The following ZNF730 variants were observed in gnomAD, a reference collection of about 807,000 sequenced individuals.
ZNF730 encodes the protein putative zinc finger protein 730.
Under a neutral mutation model 12.6 loss-of-function variants are expected in ZNF730, and 12 were observed. The ratio of observed to expected loss-of-function variants is 0.95; its 90% CI spans 0.61 to 1.54. The LOEUF (loss-of-function observed/expected upper bound fraction) is 1.54. ZNF730 is among the 40% of genes most tolerant of loss of function. The pLI is 0.00. For synonymous variants in ZNF730, 194 were observed against 195.8 expected, an observed-to-expected ratio of 0.99 and a Z score of 0.08; for missense variants, 643 against 583.5, an observed-to-expected ratio of 1.10 and a Z score of -1.05.
chr19:23,143,130 G>T (rs533918600), intron 3 of ZNF730, among the ~76,000 whole-genome samples: 1 of 152,120 alleles, frequency 6.6e-6, no homozygotes, highest in Non-Finnish European at 1.5e-5. Flanking sequence ...TGTAGCCCCA[G>T]CTACTCAGGA....
intron 1 of ZNF730, among the ~76,000 whole-genome samples, chr19:23,111,776 A>G (rs923285431): frequency 2.0e-5 from 3 of 152,112 alleles, no homozygotes; most frequent in African/African-American, 7.2e-5. Flanking sequence ...ATACAGTAGT[A>G]TTGAGCAAAA....
At chr19:23,120,345 TG>T (rs1970584445) in intron 1 of ZNF730, among the ~76,000 whole-genome samples, 3 of 152,192 alleles carry the variant, frequency 2.0e-5, no homozygotes, top group Non-Finnish European at 4.4e-5. Flanking sequence ...ATTTCAATTT[TG>T]GAGCTTGTTA....
intron 1 of ZNF730, among the ~76,000 whole-genome samples, chr19:23,077,623 G>A (rs1157735668): frequency 6.6e-6 from 1 of 151,614 alleles, no homozygotes; most frequent in African/African-American, 2.4e-5. Flanking sequence ...TGTATTTTTA[G>A]TAGAGATAGG....
intron 1 of ZNF730, among the ~76,000 whole-genome samples, chr19:23,097,556 G>T (rs934332162): frequency 6.6e-6 from 1 of 152,044 alleles, no homozygotes; most frequent in Admixed American, 6.6e-5. Context: ...AATGTAATTT[G>T]TCTCCTGCCT....
intron 3 of ZNF730, among the ~76,000 whole-genome samples, chr19:23,138,773 C>G (rs1232981778): frequency 2.0e-5 from 3 of 152,174 alleles, no homozygotes; most frequent in Non-Finnish European, 2.9e-5. Flanking sequence ...GTTACATAAC[C>G]CAGACTAGTC....
intron 1 of ZNF730, among the ~76,000 whole-genome samples, chr19:23,126,200 G>C (rs577742367): frequency 7.9e-5 from 12 of 152,124 alleles, no homozygotes; most frequent in Non-Finnish European, 1.8e-4. Context: ...TTTGAACAAT[G>C]CATTCTGAAA....
At position 23,134,099 on chromosome 19, in the gene ZNF730, A is replaced by G; in HGVS notation, c.23A>G (p.Asp8Gly). 5 of 1,613,480 alleles carry G rather than the reference A, an allele frequency of 3.1e-6. No homozygotes were observed. The highest frequency in any genetic ancestry group is 4.2e-6 in the Non-Finnish European group (5 of 1,179,696). MGALTFRDVAIEFSLEEW... is the reference protein window; with the variant it reads MGALTFRGVAIEFSLEEW... ...TTTCAGGGAGCGTTGACATTTAGAG[A>G]TGTGGCCATAGAATTCTCTCTGGAG... The change falls in exon 2 of 4, where the codon GAT becomes GGT. Residue 8 changes from aspartate (D) to glycine (G), a missense_variant. Coordinates refer to ENST00000597761, the MANE Select transcript of ZNF730 (RefSeq NM_001277403.2).
chr19:23,096,863 G>T (rs533234073), intron 1 of ZNF730, among the ~76,000 whole-genome samples: 3 of 152,326 alleles, frequency 2.0e-5, no homozygotes, highest in Admixed American at 1.3e-4. Context: ...AGTGTGTATT[G>T]TGACATATGC....
intron 1 of ZNF730, among the ~76,000 whole-genome samples, chr19:23,101,101 G>A (rs957909651): frequency 6.6e-6 from 1 of 152,150 alleles, no homozygotes; most frequent in African/African-American, 2.4e-5. Context: ...AGGTCACAGA[G>A]GATTACCACT....
In ZNF730 at chr19:23,145,488, C is replaced by G; in HGVS notation, c.444C>G (p.Asp148Glu). The change falls in exon 4 of 4, where the codon GAC becomes GAG. Residue 148 changes from aspartate (D) to glutamate (E), a missense_variant. Coordinates refer to ENST00000597761, the MANE Select transcript of ZNF730 (RefSeq NM_001277403.2). ...CCCATAGCAAAATATTTCAGTGTGA[C>G]AAATATGTGAAAGTCTTTCATAAAT... ...TTSHSKIFQC[D>E]KYVKVFHKFS... 6.4e-7 allele frequency: 1 copy of G among 1,565,784 alleles called. No individual in the cohort carries two copies. The highest frequency in any genetic ancestry group is 1.9e-5 in the Admixed American group (1 of 52,010).
chr19:23,117,116 A>T lies in ZNF730; in HGVS notation c.-58A>T. 1 of 1,612,896 alleles carries T rather than the reference A, an allele frequency of 6.2e-7. No individual in the cohort carries two copies. The highest frequency in any genetic ancestry group is 8.5e-7 in the Non-Finnish European group (1 of 1,179,214). On this transcript the variant is annotated 5_prime_UTR_variant, in exon 1 of 4. Coordinates refer to ENST00000597761, the MANE Select transcript of ZNF730 (RefSeq NM_001277403.2). ...GAAGCCCAGCCTGTGTGGCCCTGCG[A>T]CCTGCGGGTATTGGGAGATCCACAG...
intron 1 of ZNF730, among the ~76,000 whole-genome samples, chr19:23,077,525 A>G (rs1457948308): frequency 7.4e-6 from 1 of 135,658 alleles, no homozygotes; most frequent in Non-Finnish European, 1.5e-5. Context: ...GCAACCTCCA[A>G]CTCCTGGGTT....
chr19:23,081,620 A>ATC (rs1969968161), intron 1 of ZNF730, among the ~76,000 whole-genome samples: 1 of 151,652 alleles, frequency 6.6e-6, no homozygotes, highest in African/African-American at 2.4e-5. Context: ...GCACCTGGCT[A>ATC]ATTTTTGTAT....
rs117561118 is a variant in ZNF730 at position 23,090,171 on chromosome 19, G to A, written c.-94+14784G>A. On this transcript the variant is annotated intron_variant, in intron 1 of 2. Transcript: ENST00000593635. ...CGAGGCAGGAGAATTGTTTGAACCC[G>A]AGAGGCGGAGGTTGCTGTGAGCCAA... Among the ~76,000 whole-genome samples the A allele has an allele frequency of 9.7e-3, 1,475 of 152,036 alleles. 54 individuals are homozygous for A. Among genetic ancestry groups the A allele is most frequent in the Admixed American group, 0.064 (983 of 15,270 alleles).
upstream of ZNF730, among the ~76,000 whole-genome samples, chr19:23,112,466 G>A (rs145711276): frequency 8.1e-3 from 1,232 of 152,256 alleles, 24 homozygotes; most frequent in African/African-American, 0.028. Context: ...GCTAATGCCT[G>A]TAATCCCAAC....
chr19:23,094,083 C>A (rs184405004), intron 1 of ZNF730, among the ~76,000 whole-genome samples: 2 of 152,112 alleles, frequency 1.3e-5, no homozygotes, highest in African/African-American at 4.8e-5. Context: ...CCAGGCTTAC[C>A]GAGGCGATCC....
At chr19:23,116,346 C>T (rs1341865231), upstream of ZNF730, among the ~76,000 whole-genome samples, 124 of 121,644 alleles carry the variant, frequency 1.0e-3, 2 homozygotes, top group East Asian at 0.027. Flanking sequence ...CCTTTCTTTC[C>T]TTATTTCTTT....
At chr19:23,080,960 C>T (rs1027674504) in intron 1 of ZNF730, among the ~76,000 whole-genome samples, 1 of 151,430 alleles carries the variant, frequency 6.6e-6, no homozygotes, top group Non-Finnish European at 1.5e-5. Context: ...ATTCTCCTGC[C>T]TCTGCCTCCC....
intron 1 of ZNF730, among the ~76,000 whole-genome samples, chr19:23,085,224 T>G (rs1970037619): frequency 6.6e-6 from 1 of 152,226 alleles, no homozygotes; most frequent in South Asian, 2.1e-4. Context: ...TGTTGAGCTT[T>G]CTTTCAGATG....
Sources: gnomAD v4.1 joint callset for allele counts (sites outside exome capture counted in the v4.1 genomes callset) on GRCh38, gnomAD v4.1.1 for gene constraint, MANE v1.5 for transcripts, NCBI Gene and HGNC (gene_info 2026-07-23, HGNC 2026-07-21) for gene names.